Variants in BCAR3 observed in about 807,000 individuals in gnomAD.
BCAR3 encodes the protein breast cancer anti-estrogen resistance protein 3.
BCAR3 carries 37 observed loss-of-function variants against 80.1 expected under a neutral mutation model. That is an observed-to-expected ratio of 0.46 (90% CI 0.36 to 0.61). The LOEUF (loss-of-function observed/expected upper bound fraction) is 0.61. BCAR3 is among the 20% of genes least tolerant of loss of function. The pLI, the probability that BCAR3 is intolerant of heterozygous loss-of-function variation, is 0.00. For missense variants in BCAR3, 978 were observed against 1,068.2 expected, an observed-to-expected ratio of 0.92 and a Z score of 1.18; for synonymous variants, 389 against 418.9, an observed-to-expected ratio of 0.93 and a Z score of 0.87.
chr1:93,691,352 T>G (rs570760376), intron 3 of BCAR3, among the ~76,000 whole-genome samples: 2 of 152,348 alleles, frequency 1.3e-5, no homozygotes, highest in East Asian at 3.9e-4. Flanking sequence ...TGGTCTCCCC[T>G]GCACTTCAGA....
chr1:93,634,638 T>C (rs1457860982), intron 3 of BCAR3, among the ~76,000 whole-genome samples: 1 of 151,712 alleles, frequency 6.6e-6, no homozygotes, highest in Non-Finnish European at 1.5e-5. Flanking sequence ...GAGGTTGCAA[T>C]GAGTCAAGAT....
intron 2 of BCAR3, chr1:93,648,945 TC>T (rs1676234016): frequency 6.6e-6 from 1 of 152,232 alleles, no homozygotes; most frequent in Non-Finnish European, 1.5e-5. Flanking sequence ...GGACCTAACT[TC>T]CACAGTGAGA....
chr1:93,839,657 C>T (rs1427577205), intron 2 of BCAR3, among the ~76,000 whole-genome samples: 2 of 152,192 alleles, frequency 1.3e-5, no homozygotes, highest in African/African-American at 4.8e-5. Context: ...AACTTTTCTT[C>T]CTCAGTTCCC....
chr1:93,583,930 G>C, intron 6 of BCAR3, 88 bp downstream of exon 6: 6 of 1,337,838 alleles, frequency 4.5e-6, no homozygotes, highest in Non-Finnish European at 6.3e-6. Flanking sequence ...TGTCGTTTTC[G>C]AATGAGACAA....
At chr1:93,714,955 C>G (rs1650149789) in intron 2 of BCAR3, among the ~76,000 whole-genome samples, 1 of 152,216 alleles carries the variant, frequency 6.6e-6, no homozygotes, top group Admixed American at 6.5e-5. Flanking sequence ...CCCATTCCAT[C>G]TGTTTATCAT....
At chr1:93,799,052 G>T (rs1002639821) in intron 2 of BCAR3, among the ~76,000 whole-genome samples, 2 of 152,200 alleles carry the variant, frequency 1.3e-5, no homozygotes, top group Admixed American at 1.3e-4. Flanking sequence ...AAAAGCTTCT[G>T]CAGAATGAAG....
chr1:93,814,781 A>AG (rs1653960552), intron 2 of BCAR3, among the ~76,000 whole-genome samples: 1 of 152,166 alleles, frequency 6.6e-6, no homozygotes, highest in South Asian at 2.1e-4. Context: ...CCAGGAGAGG[A>AG]GGCGCATACA....
chr1:93,596,048 A>G (rs563741349), intron 3 of BCAR3, among the ~76,000 whole-genome samples: 8 of 152,300 alleles, frequency 5.3e-5, no homozygotes, highest in Middle Eastern at 3.4e-3. Context: ...AGGTAACACA[A>G]CAGAGCCTCT....
chr1:93,684,915 A>G (rs533836437), upstream of BCAR3, among the ~76,000 whole-genome samples: 1 of 152,214 alleles, frequency 6.6e-6, no homozygotes, highest in Non-Finnish European at 1.5e-5. Flanking sequence ...TTTTGAGTAG[A>G]AACAGGGGTT....
intron 2 of BCAR3, among the ~76,000 whole-genome samples, chr1:93,790,811 A>T: frequency 1.6e-5 from 1 of 64,198 alleles, no homozygotes; most frequent in Non-Finnish European, 2.7e-5. Context: ...CCCTCCCCCG[A>T]CCCCACCACA....
At chr1:93,680,956 G>C (rs937799958) in intron 1 of BCAR3, among the ~76,000 whole-genome samples, 2 of 152,082 alleles carry the variant, frequency 1.3e-5, no homozygotes, top group African/African-American at 4.8e-5. Context: ...CCCTTCCTTT[G>C]CCTTCCCTCG....
chr1:93,811,511 A>C (rs1203626997), intron 2 of BCAR3, among the ~76,000 whole-genome samples: 3 of 152,224 alleles, frequency 2.0e-5, no homozygotes, highest in Non-Finnish European at 4.4e-5. Context: ...CTTTCCTCTT[A>C]GTTTTAAGAC....
intron 4 of BCAR3, 74 bp from the exon 5 acceptor site, chr1:93,589,493 C>T (rs1674086142): frequency 7.8e-7 from 1 of 1,288,730 alleles, no homozygotes; most frequent in Admixed American, 2.1e-5. Context: ...TGGCTACCCA[C>T]TTCTCTGGGC....
chr1:93,715,555 G>A (rs1013203161), intron 2 of BCAR3, among the ~76,000 whole-genome samples: 1 of 152,192 alleles, frequency 6.6e-6, no homozygotes, highest in African/African-American at 2.4e-5. Flanking sequence ...CAAATCACCA[G>A]CCTGCCTCTT....
At position 93,589,434 on chromosome 1, in the gene BCAR3, G is replaced by T. The variant is rs762223734; in HGVS notation, c.487-15C>A. The stretch of plus-strand genomic sequence containing the variant: ...TTTTCAGACACCTTTGGGACAAAAA[G>T]GTGAGTGAGGAGTAGGAAAGGCAAA... On this transcript the variant is annotated splice_polypyrimidine_tract_variant and intron_variant, in intron 4 of 11. Transcript: ENST00000260502. 36 of 1,598,504 alleles carry T rather than the reference G, an allele frequency of 2.3e-5. No individual in the cohort carries two copies. The highest frequency in any genetic ancestry group is 2.6e-5 in the Non-Finnish European group (30 of 1,174,682).
chr1:93,767,152 A>G (rs1652183159), intron 2 of BCAR3, among the ~76,000 whole-genome samples: 2 of 152,052 alleles, frequency 1.3e-5, no homozygotes, highest in South Asian at 4.1e-4. Context: ...AACCAAGAAC[A>G]GTAGTTATCC....
chr1:93,651,079 G>C lies in BCAR3; in HGVS notation c.318-8736C>G, dbSNP rs140482298. 2.0e-5 allele frequency among the ~76,000 whole-genome samples: 3 copies of C among 152,310 alleles called. No individual in the cohort carries two copies. The East Asian group carries it at 5.8e-4, about 29-fold the overall frequency. ...GACAGGTCCAGAAAACCAGCAACCA[G>C]GTAGAGAGAGAAGGTACTGAAGCCA... is the stretch of plus-strand genomic sequence containing the variant. On this transcript the variant is annotated intron_variant, in intron 2 of 11. Transcript: ENST00000260502.
chr1:93,672,942 C>T (rs1383891233), intron 2 of BCAR3, among the ~76,000 whole-genome samples: 1 of 152,236 alleles, frequency 6.6e-6, no homozygotes, highest in East Asian at 1.9e-4. Context: ...ATGTGCTACA[C>T]TCCAGCCACA....
Position 93,818,963 on chromosome 1 carries a change from T to C in BCAR3, c.-63+26604A>G, listed in dbSNP as rs138303321. Among the ~76,000 whole-genome samples the C allele has an allele frequency of 8.4e-4, 128 of 152,376 alleles. 1 individual carries two copies. Among genetic ancestry groups the C allele is most frequent in the African/African-American group, 2.8e-3 (118 of 41,594 alleles). On this transcript the variant is annotated intron_variant, in intron 2 of 13. Coordinates refer to the BCAR3 transcript ENST00000370244. ...TTAGATATTAGGTATCAGCAATGTA[T>C]ATATGATATTTTTGTAAATAGAAAA...
Sources: gnomAD v4.1 joint callset for allele counts (sites outside exome capture counted in the v4.1 genomes callset) on GRCh38, gnomAD v4.1.1 for gene constraint, MANE v1.5 for transcripts, NCBI Gene and HGNC (gene_info 2026-07-23, HGNC 2026-07-21) for gene names.